ERCC6L: variants seen among roughly 807,000 people sequenced by gnomAD.
The protein encoded by ERCC6L is ERCC excision repair 6 like, spindle assembly checkpoint helicase.
Under a neutral mutation model 20.1 loss-of-function variants are expected in ERCC6L, and 7 were observed. That is an observed-to-expected ratio of 0.35 (90% CI 0.20 to 0.65). The LOEUF (loss-of-function observed/expected upper bound fraction) is 0.65, where lower values mean the gene tolerates loss of function less well. ERCC6L is among the 30% of genes least tolerant of loss of function. The probability of loss-of-function intolerance (pLI) is 0.69; values close to 1 mark genes in which losing one functional copy is unlikely to be tolerated. For missense variants in ERCC6L, 592 were observed against 892.4 expected (o/e 0.66, Z 4.29); for synonymous variants, 278 against 331.3 (o/e 0.84, Z 1.75).
intron 1 of ERCC6L, among the ~76,000 whole-genome samples, chrX:72,216,013 A>T (rs1458321992): frequency 4.5e-5 from 5 of 110,625 alleles, no homozygotes; most frequent in African/African-American, 1.6e-4. Context: ...CATTTCCCAG[A>T]AGATTTTATC....
At position 72,208,625 on chromosome X, in the gene ERCC6L, T is replaced by C; in HGVS notation, c.142A>G (p.Lys48Glu). 5 of 1,211,611 alleles carry C rather than the reference T, an allele frequency of 4.1e-6. No individual in the cohort carries two copies. The highest frequency in any genetic ancestry group is 5.6e-6 in the Non-Finnish European group (5 of 895,416). Residue 48 changes from lysine (K) to glutamate (E), a missense_variant, in exon 2 of 2, where the codon AAG becomes GAG. By Grantham distance (56) the Lys-to-Glu change is moderately conservative (BLOSUM62 1). Transcript: ENST00000334463. ...EEAFKLFNLA[K>E]DIFPNEKVLS... ...ACTTTTTCATTGGGAAAAATGTCCT[T>C]TGCCAAATTGAAAAGTTTAAATGCT...
intron 1 of ERCC6L, among the ~76,000 whole-genome samples, chrX:72,222,268 C>T (rs941903): frequency 0.11 from 11,739 of 111,598 alleles, 792 homozygotes; most frequent in East Asian, 0.48. Flanking sequence ...AATTCCTGCA[C>T]GTAACCCAAT....
Position 72,206,574 on chromosome X carries a change from T to C in ERCC6L, c.2193A>G (p.Leu731=), listed in dbSNP as rs1602436355. The C allele has an allele frequency of 5.0e-6, 6 of 1,211,467 alleles. No individual in the cohort carries two copies. The African/African-American group carries it at 6.9e-5, about 14-fold the overall frequency. ...TTGAAGAAGGAAATACAGGTTCTCT[T>C]AGCCAGGCCCCCTCATTTCTAGTTC... ...QQRTRNEGAW[L]REPVFPSSTK... is the part of the protein sequence containing the mutation. Residue 731 remains leucine (L), a synonymous_variant, in exon 2 of 2, where the codon CTA becomes CTG. Transcript: ENST00000334463.
Position 72,207,783 on chromosome X carries a change from C to T in ERCC6L, c.984G>A (p.Arg328=). 8.3e-7 allele frequency: 1 copy of T among 1,210,102 alleles called. No individual in the cohort carries two copies. Among genetic ancestry groups the T allele is most frequent in the Non-Finnish European group, 1.1e-6 (1 of 895,099 alleles). The change falls in exon 2 of 2, where the codon AGG becomes AGA. Residue 328 remains arginine (R), a synonymous_variant. Transcript: ENST00000334463. ...MAIIKPYFLR[R]TKEDVQKKKS... ...TTTTCTTCTGTACGTCTTCTTTAGT[C>T]CTCCTGAGAAAATAGGGTTTTATGA...
chrX:72,236,018 T>A (rs1211421271), intron 1 of ERCC6L, among the ~76,000 whole-genome samples: 1 of 112,217 alleles, frequency 8.9e-6, no homozygotes, highest in Non-Finnish European at 1.9e-5. Context: ...CTGAGGGGTG[T>A]GCAACAGTGA....
intron 1 of ERCC6L, among the ~76,000 whole-genome samples, chrX:72,234,276 T>A (rs778423625): frequency 4.6e-4 from 52 of 112,207 alleles, no homozygotes; most frequent in Non-Finnish European, 9.0e-4. Context: ...GAGCAAGGGC[T>A]CCTTGGAAGA....
At chrX:72,234,834 A>G (rs781377306) in intron 1 of ERCC6L, among the ~76,000 whole-genome samples, 29 of 111,700 alleles carry the variant, frequency 2.6e-4, no homozygotes, top group African/African-American at 8.1e-4. Flanking sequence ...AATTGGAAGC[A>G]AGAGAGATGA....
intron 1 of ERCC6L, among the ~76,000 whole-genome samples, chrX:72,211,404 T>C (rs979288982): frequency 1.8e-5 from 2 of 111,306 alleles, no homozygotes; most frequent in African/African-American, 3.3e-5. Flanking sequence ...TTTAATTCCA[T>C]AGGAATGGAC....
intron 1 of ERCC6L, 50 bp downstream of exon 1, chrX:72,238,794 C>T: frequency 8.9e-7 from 1 of 1,122,603 alleles, no homozygotes; most frequent in Non-Finnish European, 1.2e-6. Flanking sequence ...ACCCCACCTC[C>T]ACCCTGGGCC....
Position 72,204,862 on chromosome X carries a change from T to C in ERCC6L, c.*152A>G. On this transcript the variant is annotated 3_prime_UTR_variant, in exon 2 of 2. Transcript: ENST00000334463. ...AGCTAGTGCTCAGAATACCAGACTA[T>C]GGAGTGGGGGGCGTTGCAGGGCAGA... 2.5e-6 allele frequency: 1 copy of C among 396,743 alleles called. No homozygotes were observed. The highest frequency in any genetic ancestry group is 6.0e-5 in the South Asian group (1 of 16,645). 32.7% of individuals were successfully genotyped at this position (396,743 alleles called of 1,213,427 possible).
chrX:72,210,367 T>G (rs1278990222), intron 1 of ERCC6L, among the ~76,000 whole-genome samples: 1 of 110,534 alleles, frequency 9.0e-6, no homozygotes. Context: ...AACCAACAAG[T>G]GGGAAAATAC....
At chrX:72,216,418 T>C (rs1395340589) in intron 1 of ERCC6L, among the ~76,000 whole-genome samples, 2 of 112,090 alleles carry the variant, frequency 1.8e-5, no homozygotes, top group Non-Finnish European at 3.8e-5. Context: ...CTAGGTTTTT[T>C]AAAAAAATGT....
intron 1 of ERCC6L, among the ~76,000 whole-genome samples, chrX:72,232,848 G>A (rs1344983624): frequency 2.7e-5 from 3 of 109,947 alleles, no homozygotes; most frequent in Middle Eastern, 9.2e-3. Flanking sequence ...TCTAATAACT[G>A]ATTTGACACT....
At chrX:72,234,481 A>G (rs2043005133) in intron 1 of ERCC6L, among the ~76,000 whole-genome samples, 1 of 112,438 alleles carries the variant, frequency 8.9e-6, no homozygotes, top group South Asian at 3.6e-4. Context: ...GGAGAAAAGA[A>G]ATAGGAAATG....
intron 1 of ERCC6L, among the ~76,000 whole-genome samples, chrX:72,234,965 A>G (rs946241137): frequency 3.6e-5 from 4 of 111,781 alleles, no homozygotes; most frequent in African/African-American, 1.3e-4. Flanking sequence ...GGCCTGCTTG[A>G]CATCGATATT....
chrX:72,233,497 G>A (rs1004758031), intron 1 of ERCC6L, among the ~76,000 whole-genome samples: 1 of 110,920 alleles, frequency 9.0e-6, no homozygotes, highest in Non-Finnish European at 1.9e-5. Context: ...GCCGAGGCAG[G>A]CGAATCACTG....
intron 1 of ERCC6L, among the ~76,000 whole-genome samples, chrX:72,221,909 AAAACCCCTTCCCTCG>A (rs1288680131): frequency 9.1e-6 from 1 of 109,576 alleles, no homozygotes; most frequent in Non-Finnish European, 1.9e-5. Context: ...CCCTTCCTCC[AAAACCCCTTCCCTCG>A]AAACCCCTTC....
chrX:72,211,065 A>G (rs1459899314), intron 1 of ERCC6L, among the ~76,000 whole-genome samples: 8 of 111,753 alleles, frequency 7.2e-5, no homozygotes, highest in African/African-American at 2.3e-4. Context: ...TTTACAATGC[A>G]GTTTGATTTA....
At chrX:72,219,863 AG>A (rs2147594694) in intron 1 of ERCC6L, among the ~76,000 whole-genome samples, 1 of 109,979 alleles carries the variant, frequency 9.1e-6, no homozygotes, top group Non-Finnish European at 1.9e-5. Context: ...AAAAAAAAAA[AG>A]AACCTCCACT....
Sources: gnomAD v4.1 joint callset for allele counts (sites outside exome capture counted in the v4.1 genomes callset) on GRCh38, gnomAD v4.1.1 for gene constraint, MANE v1.5 for transcripts, NCBI Gene and HGNC (gene_info 2026-07-23, HGNC 2026-07-21) for gene names.